PRKCE: variants seen among roughly 807,000 people sequenced by gnomAD.
PRKCE encodes protein kinase C epsilon type.
In PRKCE, 16 loss-of-function variants were observed where a neutral mutation model predicts 85.4. The observed-to-expected ratio is 0.19, with a 90% CI of 0.13 to 0.28. The LOEUF (loss-of-function observed/expected upper bound fraction) is 0.28. Among genes scored for constraint, PRKCE ranks in the 10% least tolerant of loss-of-function variants. PRKCE has a pLI of 1.00. For synonymous variants in PRKCE, 388 were observed against 371.5 expected (o/e 1.04, Z -0.51); for missense variants, 573 against 975.2 (o/e 0.59, Z 5.49).
intron 14 of PRKCE, among the ~76,000 whole-genome samples, chr2:46,165,361 T>C (rs1239650259): frequency 7.2e-5 from 11 of 152,170 alleles, no homozygotes; most frequent in Non-Finnish European, 1.0e-4. Flanking sequence ...CTTTGCACCA[T>C]CATGTACTCA....
chr2:45,914,757 G>A (rs1000513229), intron 2 of PRKCE, among the ~76,000 whole-genome samples: 3 of 152,116 alleles, frequency 2.0e-5, no homozygotes, highest in Admixed American at 6.5e-5. Context: ...TGCTTTTATT[G>A]GTTTGGCATA....
chr2:45,753,669 A>T (rs1026167275), intron 1 of PRKCE, among the ~76,000 whole-genome samples: 1 of 152,074 alleles, frequency 6.6e-6, no homozygotes, highest in African/African-American at 2.4e-5. Flanking sequence ...TTAAAAAAAA[A>T]CCTTTCTTAT....
chr2:45,758,768 C>T (rs1684208340), intron 1 of PRKCE, among the ~76,000 whole-genome samples: 1 of 152,146 alleles, frequency 6.6e-6, no homozygotes, highest in South Asian at 2.1e-4. Context: ...TAGGACACTG[C>T]CTGGAATGTA....
At chr2:45,885,135 A>G (rs904489245) in intron 2 of PRKCE, among the ~76,000 whole-genome samples, 6 of 151,920 alleles carry the variant, frequency 3.9e-5, no homozygotes, top group African/African-American at 1.4e-4. Context: ...CTGGATTTAA[A>G]ACAAATGTTG....
At position 45,980,398 on chromosome 2, in the gene PRKCE, C is replaced by T. The variant is rs755743158; in HGVS notation, c.693+17C>T. ...CCCGACCAGGTAAGTGTTGGTGACACGGAAATTCTGGGCTTCTTCACCGCC... is the reference window on the plus strand; with the variant it reads ...CCCGACCAGGTAAGTGTTGGTGACATGGAAATTCTGGGCTTCTTCACCGCC... On this transcript the variant is annotated intron_variant, in intron 5 of 14. Coordinates refer to ENST00000306156, the MANE Select transcript of PRKCE (RefSeq NM_005400.3). 67 of 1,598,760 alleles carry T rather than the reference C, an allele frequency of 4.2e-5. No individual in the cohort carries two copies. The Admixed American group carries it at 9.7e-4, about 23-fold the overall frequency.
intron 2 of PRKCE, among the ~76,000 whole-genome samples, chr2:45,939,580 G>A (rs777673352): frequency 1.3e-5 from 2 of 151,562 alleles, no homozygotes; most frequent in Non-Finnish European, 2.9e-5. Context: ...TTTTGAGAAG[G>A]CGTCTCACTC....
At chr2:45,894,415 A>C (rs945066813) in intron 2 of PRKCE, among the ~76,000 whole-genome samples, 3 of 151,102 alleles carry the variant, frequency 2.0e-5, no homozygotes, top group Admixed American at 6.6e-5. Flanking sequence ...GGATAAACTT[A>C]AGATAGAGGG....
chr2:45,833,688 C>T (rs1690620200), intron 1 of PRKCE, among the ~76,000 whole-genome samples: 1 of 152,184 alleles, frequency 6.6e-6, no homozygotes, highest in Non-Finnish European at 1.5e-5. Context: ...GATATATTGA[C>T]TTAGTGTAAG....
intron 2 of PRKCE, among the ~76,000 whole-genome samples, chr2:45,959,980 T>C (rs1304624223): frequency 2.0e-5 from 3 of 152,232 alleles, no homozygotes; most frequent in Non-Finnish European, 4.4e-5. Context: ...AGACCCCATA[T>C]ACATTTAAAA....
At chr2:46,108,446 GATAA>G (rs1378797688) in intron 11 of PRKCE, among the ~76,000 whole-genome samples, 1 of 152,166 alleles carries the variant, frequency 6.6e-6, no homozygotes, top group Non-Finnish European at 1.5e-5. Context: ...GTAAGAGGGA[GATAA>G]ATAAACTATG....
chr2:45,868,213 G>C lies in PRKCE; in HGVS notation c.412+25150G>C, dbSNP rs1693767738. 2.6e-5 allele frequency among the ~76,000 whole-genome samples: 3 copies of C among 117,560 alleles called. No individual in the cohort carries two copies. In the South Asian group the frequency reaches 8.9e-4, roughly 35 times the overall value. The allele number at this position is 117,560 out of a possible 152,430, so 77.1% of individuals were successfully genotyped here. A position where few individuals can be genotyped will look rare whatever the true frequency, so the allele number is the denominator to read the frequency against. Reference sequence around the variant, plus strand: ...TGGTCTGGTTGGGGGGTGTAACGGAGCTTTTTTTTTTTTTTTTTTTTTTGT... The same window carrying C: ...TGGTCTGGTTGGGGGGTGTAACGGACCTTTTTTTTTTTTTTTTTTTTTTGT... On this transcript the variant is annotated intron_variant, in intron 2 of 14. Coordinates refer to ENST00000306156, the MANE Select transcript of PRKCE (RefSeq NM_005400.3).
chr2:45,748,960 G>T (rs1284869783), intron 1 of PRKCE, among the ~76,000 whole-genome samples: 2 of 151,380 alleles, frequency 1.3e-5, no homozygotes, highest in Non-Finnish European at 2.9e-5. Context: ...TGTGATCTTG[G>T]CTCACTGCAA....
intron 11 of PRKCE, among the ~76,000 whole-genome samples, chr2:46,132,896 T>A (rs761389810): frequency 6.6e-6 from 1 of 152,200 alleles, no homozygotes; most frequent in African/African-American, 2.4e-5. Context: ...TCTGATATCC[T>A]CCAAGTAACT....
chr2:45,659,405 C>T (rs1029802221), intron 1 of PRKCE, among the ~76,000 whole-genome samples: 4 of 152,228 alleles, frequency 2.6e-5, no homozygotes, highest in Admixed American at 2.0e-4. Flanking sequence ...GCTGACCTCA[C>T]TTGGGTCCAA....
chr2:46,116,036 A>T (rs571757652), intron 11 of PRKCE, among the ~76,000 whole-genome samples: 1 of 152,340 alleles, frequency 6.6e-6, no homozygotes, highest in Non-Finnish European at 1.5e-5. Flanking sequence ...AAGGTGAATG[A>T]TCATTTTCCC....
intron 1 of PRKCE, among the ~76,000 whole-genome samples, chr2:45,745,248 G>C (rs1307609482): frequency 1.3e-5 from 2 of 152,170 alleles, no homozygotes; most frequent in African/African-American, 4.8e-5. Context: ...GTGGTGGAGA[G>C]CAAGTGCCTG....
In PRKCE at chr2:46,061,859, C is replaced by CTT. The variant is rs10695600; in HGVS notation, c.1438-24332_1438-24331dup. Among the ~76,000 whole-genome samples the CTT allele has an allele frequency of 4.9e-3, 525 of 107,732 alleles. 13 individuals are homozygous for CTT. Among genetic ancestry groups the CTT allele is most frequent in the African/African-American group, 6.9e-3 (175 of 25,184 alleles). 70.7% of individuals were successfully genotyped at this position (107,732 alleles called of 152,430 possible). Reference sequence around the variant, plus strand: ...TTTTCTTTTCTTTTCTTTTCTTTTTCTTTTTTTTTTTTTTTTTTGCAACAG... The same window carrying CTT: ...TTTTCTTTTCTTTTCTTTTCTTTTTCTTTTTTTTTTTTTTTTTTTTGCAACAG... On this transcript the variant is annotated intron_variant, in intron 10 of 14. Coordinates refer to ENST00000306156, the MANE Select transcript of PRKCE (RefSeq NM_005400.3).
rs186943568 is a variant in PRKCE, at chr2:45,948,265, A to T, written c.413-28164A>T. On this transcript the variant is annotated intron_variant, in intron 2 of 14. Coordinates refer to ENST00000306156, the MANE Select transcript of PRKCE (RefSeq NM_005400.3). ...ATAGACATACAGAGCCTTTAAAAAC[A>T]TTGGAAATATTTCCAATATAGATGA... 2.9e-3 allele frequency among the ~76,000 whole-genome samples: 435 copies of T among 152,354 alleles called. 3 individuals are homozygous for T. Among genetic ancestry groups the T allele is most frequent in the African/African-American group, 9.7e-3 (403 of 41,576 alleles).
intron 2 of PRKCE, among the ~76,000 whole-genome samples, chr2:45,902,962 A>G (rs966127942): frequency 6.6e-5 from 10 of 152,156 alleles, no homozygotes; most frequent in Non-Finnish European, 1.5e-4. Flanking sequence ...ATGGGCATAT[A>G]TAGCATACAA....
Sources: allele counts gnomAD v4.1 joint callset (sites outside exome capture counted in the v4.1 genomes callset), GRCh38; gene constraint gnomAD v4.1.1; transcripts MANE v1.5; gene names NCBI Gene and HGNC (gene_info 2026-07-23, HGNC 2026-07-21).